KLHL29: variants seen among roughly 807,000 people sequenced by gnomAD.
The protein encoded by KLHL29 is kelch like family member 29, also known as kelch-like protein 29.
A neutral mutation model predicts 80.4 loss-of-function variants in KLHL29; 21 were observed. That is an observed-to-expected ratio of 0.26 (90% CI 0.19 to 0.38). The LOEUF (loss-of-function observed/expected upper bound fraction) is 0.38, where lower values mean the gene tolerates loss of function less well. Ranked by LOEUF, KLHL29 falls within the 10% of genes least tolerant of loss-of-function variation. KLHL29 has a pLI of 1.00. For synonymous variants in KLHL29, 511 were observed against 526.8 expected, an observed-to-expected ratio of 0.97 and a Z score of 0.41; for missense variants, 867 against 1,223.9, an observed-to-expected ratio of 0.71 and a Z score of 4.35.
chr2:23,447,433 T>C (rs990892572), intron 1 of KLHL29, among the ~76,000 whole-genome samples: 7 of 152,346 alleles, frequency 4.6e-5, no homozygotes, highest in Admixed American at 1.3e-4. Flanking sequence ...GGTGGCTGCA[T>C]TGGCCTTGCT....
At chr2:23,587,267 G>A (rs1322778905) in intron 3 of KLHL29, among the ~76,000 whole-genome samples, 2 of 124,784 alleles carry the variant, frequency 1.6e-5, no homozygotes, top group African/African-American at 6.3e-5. Context: ...TGGACATTTT[G>A]CTTTTTGCCG....
At chr2:23,555,252 G>A (rs1667255803) in intron 2 of KLHL29, among the ~76,000 whole-genome samples, 1 of 152,148 alleles carries the variant, frequency 6.6e-6, no homozygotes, top group African/African-American at 2.4e-5. Context: ...CACTGCTTCG[G>A]ATTTGACTGT....
At position 23,703,743 on chromosome 2, in the gene KLHL29, C is replaced by A. The variant is rs1044121142; in HGVS notation, c.2324C>A (p.Thr775Lys). The A allele has an allele frequency of 1.2e-5, 18 of 1,537,096 alleles. No individual in the cohort carries two copies. Among genetic ancestry groups the A allele is most frequent in the Non-Finnish European group, 1.5e-5 (17 of 1,146,776 alleles). The change falls in exon 13 of 14, where the codon ACG (threonine) becomes AAG (lysine). Residue 775 changes from threonine to lysine, a missense_variant. Around this residue, in one of 2 missense-constraint regions of KLHL29, gnomAD observed 443 missense variants for 767.0 expected, o/e 0.58. Transcript: ENST00000486442. ...MIDNKYAPAVTLNGFVFILGG... is the reference protein window; with the variant it reads ...MIDNKYAPAVKLNGFVFILGG... ...GACAACAAGTATGCCCCCGCTGTCA[C>A]GCTCAATGGCTTCGTTTTCATCCTG...
At chr2:23,403,818 C>T (rs996615736) in intron 1 of KLHL29, among the ~76,000 whole-genome samples, 6 of 151,512 alleles carry the variant, frequency 4.0e-5, no homozygotes, top group Non-Finnish European at 7.4e-5. Flanking sequence ...TGCCATGCCT[C>T]TCCCAGAAAA....
At chr2:23,619,363 T>G (rs1669109043) in intron 3 of KLHL29, among the ~76,000 whole-genome samples, 1 of 151,932 alleles carries the variant, frequency 6.6e-6, no homozygotes, top group African/African-American at 2.4e-5. Context: ...TTGAGGGTGG[T>G]GGGTGTTCTC....
intron 5 of KLHL29, among the ~76,000 whole-genome samples, chr2:23,678,937 G>A (rs1670997678): frequency 6.6e-6 from 1 of 152,020 alleles, no homozygotes; most frequent in Non-Finnish European, 1.5e-5. Flanking sequence ...TGTTTAATGG[G>A]TGTGGAGTTT....
intron 3 of KLHL29, among the ~76,000 whole-genome samples, chr2:23,604,571 G>A (rs1345259115): frequency 4.6e-5 from 7 of 152,180 alleles, no homozygotes; most frequent in Non-Finnish European, 1.0e-4. Flanking sequence ...CCTGGAGGTG[G>A]CCTTGGGGGG....
intron 2 of KLHL29, among the ~76,000 whole-genome samples, chr2:23,557,052 G>T (rs1053086304): frequency 6.6e-6 from 1 of 152,224 alleles, no homozygotes; most frequent in African/African-American, 2.4e-5. Flanking sequence ...GGCTCTGGCA[G>T]TTCACGGGCA....
At chr2:23,411,413 G>GTGTGTA in intron 1 of KLHL29, among the ~76,000 whole-genome samples, 1 of 151,058 alleles carries the variant, frequency 6.6e-6, no homozygotes, top group South Asian at 2.1e-4. Flanking sequence ...GTGTGTGTGT[G>GTGTGTA]TGTGTGTGTG....
chr2:23,416,844 C>G (rs1666991717), intron 1 of KLHL29, among the ~76,000 whole-genome samples: 1 of 152,172 alleles, frequency 6.6e-6, no homozygotes, highest in Admixed American at 6.5e-5. Flanking sequence ...ACAATGGTTC[C>G]CAAATCCGTA....
At chr2:23,536,891 C>CAT (rs1666679512) in intron 2 of KLHL29, among the ~76,000 whole-genome samples, 1 of 33,114 alleles carries the variant, frequency 3.0e-5, no homozygotes, top group African/African-American at 1.9e-4. Flanking sequence ...AGACAGATCT[C>CAT]ACACACACAC....
rs559593215 is a variant in KLHL29, at chr2:23,661,445, C to A, written c.940+18595C>A. On this transcript the variant is annotated intron_variant, in intron 5 of 13. Transcript: ENST00000486442. ...CGCCAGCTGTATCCCCACCCCCAGACAGACCGCATCTGCACACCTGGCATA... is the reference window on the plus strand; with the variant it reads ...CGCCAGCTGTATCCCCACCCCCAGAAAGACCGCATCTGCACACCTGGCATA... 1.2e-4 allele frequency among the ~76,000 whole-genome samples: 19 copies of A among 152,322 alleles called. No homozygotes were observed. The South Asian group carries it at 3.3e-3, about 27-fold the overall frequency.
intron 3 of KLHL29, among the ~76,000 whole-genome samples, chr2:23,569,794 A>G (rs1667673266): frequency 1.3e-5 from 2 of 152,328 alleles, no homozygotes; most frequent in South Asian, 2.1e-4. Flanking sequence ...ATCAGCCCCT[A>G]CACAGTTAGC....
chr2:23,700,555 G>A lies in KLHL29; in HGVS notation c.2106-2631G>A, dbSNP rs981837679. 3.3e-5 allele frequency among the ~76,000 whole-genome samples: 5 copies of A among 152,116 alleles called. No individual in the cohort carries two copies. Among genetic ancestry groups the A allele is most frequent in the African/African-American group, 4.8e-5 (2 of 41,412 alleles). ...TCAGCCAAGTGGGAGGAGTGACATCGCAGAAACCAGCAAACGCTACAAACC... is the reference window on the plus strand; with the variant it reads ...TCAGCCAAGTGGGAGGAGTGACATCACAGAAACCAGCAAACGCTACAAACC... On this transcript the variant is annotated intron_variant, in intron 11 of 13. Coordinates refer to ENST00000486442, the MANE Select transcript of KLHL29 (RefSeq NM_052920.2). This position sits in a 1 kb window ranked among gnomAD's most constrained non-coding sequence, Gnocchi z 4.6.
chr2:23,410,431 T>C (rs1021629486), intron 1 of KLHL29, among the ~76,000 whole-genome samples: 1 of 151,872 alleles, frequency 6.6e-6, no homozygotes, highest in East Asian at 1.9e-4. Context: ...CTGGGAACAG[T>C]GGAAGGGGTC....
rs1014763645 is a variant in KLHL29, at chr2:23,645,698, A to G, written c.940+2848A>G. Among the ~76,000 whole-genome samples, 10 of 152,204 alleles carry G rather than the reference A, an allele frequency of 6.6e-5. No individual in the cohort carries two copies. In the East Asian group the frequency reaches 1.9e-3, roughly 29 times the overall value. On this transcript the variant is annotated intron_variant, in intron 5 of 13. Coordinates refer to ENST00000486442, the MANE Select transcript of KLHL29 (RefSeq NM_052920.2). ...TGGGCCACTGGTATTTTTAGACTTC[A>G]TTAGTGCCCAGATTTAAAATTTCAC...
intron 5 of KLHL29, among the ~76,000 whole-genome samples, chr2:23,649,333 T>G (rs889864): frequency 0.83 from 126,687 of 152,282 alleles, 54,089 homozygotes; most frequent in East Asian, 1. Flanking sequence ...TCGCCTGAGC[T>G]GTACCTGCCC....
At position 23,411,428 on chromosome 2, in the gene KLHL29, C is replaced by T. The variant is rs531091148; in HGVS notation, c.-154+25648C>T. Among the ~76,000 whole-genome samples the T allele has an allele frequency of 5.4e-3, 200 of 37,062 alleles. 1 individual carries two copies. Among genetic ancestry groups the T allele is most frequent in the Non-Finnish European group, 8.7e-3 (162 of 18,522 alleles). 24.3% of individuals were successfully genotyped at this position (37,062 alleles called of 152,430 possible). A position where few individuals can be genotyped will look rare whatever the true frequency, so the allele number is the denominator to read the frequency against. On this transcript the variant is annotated intron_variant, in intron 1 of 13. Transcript: ENST00000486442. ...GTGTGTGTGTGTGTGTGTGTGTGGT[C>T]AAGGTAGGATGGAAGGGCGAGGTAA...
chr2:23,416,318 G>A (rs953546963), intron 1 of KLHL29, among the ~76,000 whole-genome samples: 3 of 152,228 alleles, frequency 2.0e-5, no homozygotes, highest in African/African-American at 2.4e-5. Flanking sequence ...TTGCAGCTGC[G>A]GTTTGGTGGG....
Sources: gnomAD v4.1 joint callset for allele counts (sites outside exome capture counted in the v4.1 genomes callset) on GRCh38, gnomAD v4.1.1 for gene constraint, gnomAD v4.1.1 regional missense constraint, Gnocchi (gnomAD v3.1) non-coding constraint, MANE v1.5 for transcripts, NCBI Gene and HGNC (gene_info 2026-07-23, HGNC 2026-07-21) for gene names.